Variants in DIS3L2 observed in about 807,000 individuals in gnomAD.
DIS3L2 encodes DIS3 like 3'-5' exoribonuclease 2.
Under a neutral mutation model 97.5 loss-of-function variants are expected in DIS3L2, and 34 were observed. The ratio of observed to expected loss-of-function variants is 0.35; its 90% CI spans 0.27 to 0.46. DIS3L2 has a LOEUF of 0.46. Among genes scored for constraint, DIS3L2 ranks in the 20% least tolerant of loss-of-function variants. The pLI is 1.00. For synonymous variants in DIS3L2, 435 were observed against 445.2 expected (o/e 0.98, Z 0.29); for missense variants, 1,038 against 1,146.0 (o/e 0.91, Z 1.36).
chr2:232,209,867 G>A (rs1692137660), intron 9 of DIS3L2, among the ~76,000 whole-genome samples: 1 of 152,190 alleles, frequency 6.6e-6, no homozygotes, highest in South Asian at 2.1e-4. Flanking sequence ...GCTGTTTCCA[G>A]GTAGACTTCT....
chr2:232,214,919 C>T lies in DIS3L2; in HGVS notation c.1204+4514C>T, dbSNP rs566892163. On this transcript the variant is annotated intron_variant, in intron 10 of 20. Coordinates refer to ENST00000325385, the MANE Select transcript of DIS3L2 (RefSeq NM_152383.5). The stretch of plus-strand genomic sequence containing the variant: ...GTTGTATTCTCTAACATGTACTCTG[C>T]TGTTGAACTTACAGGGTTACCCTAG... Among the ~76,000 whole-genome samples, 12 of 152,302 alleles carry T rather than the reference C, an allele frequency of 7.9e-5. No homozygotes were observed. The South Asian group carries it at 2.1e-3, about 26-fold the overall frequency.
chr2:232,166,072 C>CAATAAATA (rs111484613), intron 9 of DIS3L2, among the ~76,000 whole-genome samples: 25,424 of 137,968 alleles, frequency 0.18, 2,882 homozygotes, highest in East Asian at 0.3. Flanking sequence ...CCTGTCTCTA[C>CAATAAATA]AATAAATAAA....
intron 5 of DIS3L2, among the ~76,000 whole-genome samples, chr2:232,051,609 G>A (rs1177382235): frequency 4.6e-5 from 7 of 151,476 alleles, no homozygotes; most frequent in African/African-American, 1.7e-4. Context: ...TCAGGAGATC[G>A]AGACCATCCC....
chr2:232,279,254 T>G (rs776791077), intron 13 of DIS3L2, among the ~76,000 whole-genome samples: 4 of 152,206 alleles, frequency 2.6e-5, no homozygotes, highest in African/African-American at 9.6e-5. Flanking sequence ...CTATTTCTTA[T>G]GTGCTTGTCA....
chr2:232,251,127 C>A (rs1356821472), intron 12 of DIS3L2, among the ~76,000 whole-genome samples: 2 of 152,100 alleles, frequency 1.3e-5, no homozygotes, highest in Admixed American at 1.3e-4. Flanking sequence ...TACACTTAGC[C>A]CTAGGGCTCT....
At chr2:232,136,304 A>T (rs1242196269) in intron 7 of DIS3L2, among the ~76,000 whole-genome samples, 168 bp from the exon 8 acceptor site, 2 of 152,204 alleles carry the variant, frequency 1.3e-5, no homozygotes, top group Non-Finnish European at 2.9e-5. Flanking sequence ...ACTTCTTACA[A>T]CTTAAATATA....
intron 3 of DIS3L2, among the ~76,000 whole-genome samples, chr2:232,016,633 C>T (rs894243302): frequency 4.6e-5 from 7 of 152,038 alleles, no homozygotes; most frequent in Non-Finnish European, 8.8e-5. Flanking sequence ...TGTGAAACAA[C>T]ATGGAGTATG....
At chr2:232,068,491 A>C (rs1695915813) in intron 5 of DIS3L2, among the ~76,000 whole-genome samples, 1 of 150,706 alleles carries the variant, frequency 6.6e-6, no homozygotes, top group South Asian at 2.1e-4. Context: ...CTGAGGCGGG[A>C]GGATCACTTG....
intron 13 of DIS3L2, among the ~76,000 whole-genome samples, chr2:232,297,805 C>T (rs1234314521): frequency 1.3e-5 from 2 of 150,898 alleles, no homozygotes; most frequent in African/African-American, 2.4e-5. Context: ...CAGGTTCAAA[C>T]GATTCTCGTG....
chr2:232,216,285 C>T (rs1445707494), intron 10 of DIS3L2, among the ~76,000 whole-genome samples: 4 of 152,238 alleles, frequency 2.6e-5, no homozygotes, highest in Non-Finnish European at 5.9e-5. Context: ...GCTATTCCTC[C>T]TTGAAATTCA....
rs2106356275 is a variant in DIS3L2, at chr2:232,335,794, C to A, written c.2416C>A (p.His806Asn). Reference protein sequence around the residue: ...YCNALALRSHHFQKVGKKPEL... With the variant: ...YCNALALRSHNFQKVGKKPEL... ...CCAGGCACTGGCCCTGCGGTCCCAC[C>A]ACTTCCAGAAGGTGGGCAAGAAGCC... The change falls in exon 20 of 21, where the codon CAC (histidine) becomes AAC (asparagine). Residue 806 changes from histidine (H) to asparagine (N), a missense_variant. Around this residue, in one of 3 missense-constraint regions of DIS3L2, gnomAD observed 221 missense variants for 246.9 expected, o/e 0.90. Transcript: ENST00000325385. 2.6e-6 allele frequency: 4 copies of A among 1,550,632 alleles called. No individual in the cohort carries two copies. Among genetic ancestry groups the A allele is most frequent in the Non-Finnish European group, 3.5e-6 (4 of 1,146,996 alleles).
rs777593355 is a variant in DIS3L2 at position 232,330,715 on chromosome 2, A to G, written c.1949A>G (p.Asp650Gly). 1.2e-6 allele frequency: 2 copies of G among 1,613,922 alleles called. No homozygotes were observed. Among genetic ancestry groups the G allele is most frequent in the South Asian group, 2.2e-5 (2 of 91,080 alleles). ...AAAAGCCTGACCCAAACATTTGGAG[A>G]TGACAAGTACTCACTGGCCCGCAAG... ...LNKSLTQTFG[D>G]DKYSLARKEV... is the part of the protein sequence containing the mutation. Residue 650 changes from aspartate to glycine, a missense_variant, in exon 16 of 21, where the codon GAT becomes GGT. This residue lies in a region of DIS3L2 where 813 missense variants were observed against 880.1 expected (regional missense o/e 0.92). Transcript: ENST00000325385.
Position 231,988,061 on chromosome 2 carries a change from T to G in DIS3L2, c.-94+26296T>G, listed in dbSNP as rs1693470495. Among the ~76,000 whole-genome samples the G allele has an allele frequency of 1.3e-5, 2 of 152,172 alleles. 1 individual carries two copies. Among genetic ancestry groups the G allele is most frequent in the South Asian group, 4.1e-4 (2 of 4,834 alleles). On this transcript the variant is annotated intron_variant, in intron 1 of 20. Coordinates refer to ENST00000325385, the MANE Select transcript of DIS3L2 (RefSeq NM_152383.5). The stretch of plus-strand genomic sequence containing the variant: ...TTTGTCCATTTTGGCCAGGCTGGTC[T>G]CCAACTCCCGATCTCAGGTGATCCA...
chr2:232,078,045 T>C (rs1293712132), intron 5 of DIS3L2, among the ~76,000 whole-genome samples: 2 of 150,148 alleles, frequency 1.3e-5, no homozygotes, highest in Non-Finnish European at 3.0e-5. Context: ...CTCTTTCTTT[T>C]TTTTTTTTTA....
At chr2:232,086,489 G>A (rs1306477009) in intron 5 of DIS3L2, among the ~76,000 whole-genome samples, 1 of 147,622 alleles carries the variant, frequency 6.8e-6, no homozygotes, top group Non-Finnish European at 1.5e-5. Context: ...TCTGGTACCT[G>A]TGATATTTTC....
In DIS3L2 at chr2:232,137,645, A is replaced by G. The variant is rs569890448; in HGVS notation, c.950+926A>G. Among the ~76,000 whole-genome samples the G allele has an allele frequency of 5.9e-4, 90 of 152,348 alleles. 3 individuals are homozygous for G. In the South Asian group the frequency reaches 0.018, roughly 30 times the overall value. On this transcript the variant is annotated intron_variant, in intron 8 of 20. Transcript: ENST00000325385. ...CTTTTATCAGGTTTATTCTATACTTAGCTTCTTATGCCTAGCAAAATAAGC... is the reference window on the plus strand; with the variant it reads ...CTTTTATCAGGTTTATTCTATACTTGGCTTCTTATGCCTAGCAAAATAAGC...
intron 12 of DIS3L2, among the ~76,000 whole-genome samples, 162 bp from the exon 13 acceptor site, chr2:232,263,045 T>A (rs1693753411): frequency 6.6e-6 from 1 of 152,210 alleles, no homozygotes; most frequent in Admixed American, 6.5e-5. Flanking sequence ...AGCTTCCATC[T>A]CTGATTCATC....
At chr2:232,329,785 T>TGCCGGGGGGGGGCCCCC in intron 14 of DIS3L2, 28 bp from the exon 15 acceptor site, 18 of 967,120 alleles carry the variant, frequency 1.9e-5, no homozygotes, top group African/African-American at 3.4e-5. Flanking sequence ...ACCCCAGCGG[T>TGCCGGGGGGGGGCCCCC]CCCTCCCATC....
At chr2:232,114,658 A>T (rs1350633530) in intron 6 of DIS3L2, among the ~76,000 whole-genome samples, 1 of 152,180 alleles carries the variant, frequency 6.6e-6, no homozygotes, top group Non-Finnish European at 1.5e-5. Flanking sequence ...TGATTGAATT[A>T]CCCGAAGTAA....
Sources: allele counts gnomAD v4.1 joint callset (sites outside exome capture counted in the v4.1 genomes callset), GRCh38; gene constraint gnomAD v4.1.1; regional missense constraint gnomAD v4.1.1; transcripts MANE v1.5; gene names NCBI Gene and HGNC (gene_info 2026-07-23, HGNC 2026-07-21).